Variants in MTUS1 observed in about 807,000 individuals in gnomAD.
MTUS1 encodes microtubule-associated tumor suppressor 1.
MTUS1 carries 109 observed loss-of-function variants against 120.8 expected under a neutral mutation model. That is an observed-to-expected ratio of 0.90 (90% confidence interval 0.77 to 1.06). The LOEUF (loss-of-function observed/expected upper bound fraction) is 1.06. MTUS1 is among the 50% of genes least tolerant of loss of function. The probability of loss-of-function intolerance (pLI) is 0.00; values close to 1 mark genes in which losing one functional copy is unlikely to be tolerated. For missense variants in MTUS1, 2,210 were observed against 1,486.3 expected (o/e 1.49, Z -8.01); for synonymous variants, 737 against 550.5 (o/e 1.34, Z -4.74).
chr8:17,665,670 C>T (rs1810743511), intron 8 of MTUS1, among the ~76,000 whole-genome samples: 1 of 152,158 alleles, frequency 6.6e-6, no homozygotes, highest in African/African-American at 2.4e-5. Flanking sequence ...CCTAGAACTC[C>T]AGCCTCTTTG....
At chr8:17,694,800 A>G (rs768114743) in intron 6 of MTUS1, among the ~76,000 whole-genome samples, 17 of 152,206 alleles carry the variant, frequency 1.1e-4, no homozygotes, top group Non-Finnish European at 2.1e-4. Context: ...GAGACAAATC[A>G]TTTAGATAAG....
At chr8:17,745,389 A>G (rs1586118327) in intron 2 of MTUS1, among the ~76,000 whole-genome samples, 1 of 152,340 alleles carries the variant, frequency 6.6e-6, no homozygotes, top group Admixed American at 6.5e-5. Context: ...TACTTGTTTC[A>G]GGTGGATTCA....
chr8:17,646,024 G>A lies in MTUS1; in HGVS notation c.3715C>T (p.Leu1239=), dbSNP rs945416383. The A allele has an allele frequency of 1.2e-6, 2 of 1,613,706 alleles. No homozygotes were observed. Among genetic ancestry groups the A allele is most frequent in the Non-Finnish European group, 1.7e-6 (2 of 1,179,952 alleles). Residue 1239 remains leucine, a synonymous_variant, in exon 15 of 15, where the codon CTG becomes TTG. Transcript: ENST00000693296. ...GTGGGGGATCTCTTGGGGCTACACA[G>A]GTCCCCATTGTGCAGTTTCCACAGA... ...ELLWKLHNGD[L]CSPKRSPTSS...
rs191683335 is a variant in MTUS1 at position 17,644,183 on chromosome 8, C to T, written c.*1743G>A. ...AGATATCTCATGAAGTGGCAGTGAA[C>T]CTACATTTCCATTTATCAGAAGCAA... On this transcript the variant is annotated 3_prime_UTR_variant, in exon 15 of 15. Coordinates refer to ENST00000693296, the MANE Select transcript of MTUS1 (RefSeq NM_001363059.2). The T allele has an allele frequency of 6.6e-6, 1 of 152,312 alleles. No homozygotes were observed. Among genetic ancestry groups the T allele is most frequent in the East Asian group, 1.9e-4 (1 of 5,182 alleles). 9.4% of individuals were successfully genotyped at this position (152,312 alleles called of 1,614,324 possible).
At chr8:17,741,709 TA>T (rs1367249265) in intron 3 of MTUS1, among the ~76,000 whole-genome samples, 1 of 152,196 alleles carries the variant, frequency 6.6e-6, no homozygotes, top group Non-Finnish European at 1.5e-5. Context: ...CCTCATTTCT[TA>T]AAAGTATGTG....
At chr8:17,747,518 C>T (rs2047860369) in intron 2 of MTUS1, among the ~76,000 whole-genome samples, 1 of 152,136 alleles carries the variant, frequency 6.6e-6, no homozygotes, top group Non-Finnish European at 1.5e-5. Context: ...CCAGCAAAAC[C>T]CCACCTTCAA....
chr8:17,656,008 A>G lies in MTUS1; in HGVS notation c.2963T>C (p.Val988Ala), dbSNP rs763758293. ...GTGCTGCTGGACGAATGCTTCATAC[A>G]CTGTTTGTAACTCATTCCTGGCTTT... ...LEKARNELQT[V>A]YEAFVQQHQA... The change falls in exon 9 of 15, where the codon GTG becomes GCG. Residue 988 changes from valine (V) to alanine (A), a missense_variant. Coordinates refer to ENST00000693296, the MANE Select transcript of MTUS1 (RefSeq NM_001363059.2). The G allele has an allele frequency of 1.2e-6, 2 of 1,614,124 alleles. No homozygotes were observed. Among genetic ancestry groups the G allele is most frequent in the Admixed American group, 1.7e-5 (1 of 60,012 alleles).
intron 1 of MTUS1, among the ~76,000 whole-genome samples, chr8:17,791,275 A>G (rs2051761138): frequency 6.6e-6 from 1 of 152,244 alleles, no homozygotes; most frequent in Non-Finnish European, 1.5e-5. Context: ...TCATATTTAC[A>G]ATGTGCTTGC....
At chr8:17,656,915 C>G (rs372768812) in intron 8 of MTUS1, among the ~76,000 whole-genome samples, 24 of 151,410 alleles carry the variant, frequency 1.6e-4, no homozygotes, top group African/African-American at 5.6e-4. Context: ...AAAAATTAGC[C>G]GGGTGTGGTG....
intron 1 of MTUS1, among the ~76,000 whole-genome samples, chr8:17,787,462 G>C (rs535409083): frequency 6.6e-6 from 1 of 152,278 alleles, no homozygotes; most frequent in Middle Eastern, 3.4e-3. Context: ...GTGTAATCTT[G>C]ATCTATTTCC....
intron 1 of MTUS1, among the ~76,000 whole-genome samples, chr8:17,763,612 G>A (rs1243142748): frequency 6.6e-6 from 1 of 152,078 alleles, no homozygotes; most frequent in Non-Finnish European, 1.5e-5. Flanking sequence ...GCCCACCAGA[G>A]CCAGGACGAC....
At chr8:17,696,944 G>C (rs1016394916) in intron 6 of MTUS1, among the ~76,000 whole-genome samples, 3 of 152,100 alleles carry the variant, frequency 2.0e-5, no homozygotes, top group Non-Finnish European at 4.4e-5. Context: ...CCAAACACTG[G>C]AACTAAAATA....
intron 6 of MTUS1, among the ~76,000 whole-genome samples, chr8:17,685,233 C>G (rs1166936354): frequency 5.9e-5 from 9 of 151,840 alleles, no homozygotes; most frequent in Admixed American, 5.9e-4. Context: ...TTTTAAAGCA[C>G]ATGCTAACAC....
intron 7 of MTUS1, among the ~76,000 whole-genome samples, chr8:17,677,399 A>C (rs968361195): frequency 1.3e-5 from 2 of 152,208 alleles, no homozygotes; most frequent in South Asian, 2.1e-4. Context: ...CTTAAAATTC[A>C]CTTTTCAGTA....
intron 12 of MTUS1, 130 bp from the exon 13 acceptor site, chr8:17,650,092 CAAAG>C: frequency 2.9e-6 from 2 of 694,512 alleles, no homozygotes; most frequent in Non-Finnish European, 5.1e-6. Flanking sequence ...AGAGCAATTT[CAAAG>C]AAAGAGGTGA....
chr8:17,719,799 C>G (rs184119446), intron 4 of MTUS1, among the ~76,000 whole-genome samples: 1 of 152,100 alleles, frequency 6.6e-6, no homozygotes, highest in Non-Finnish European at 1.5e-5. Context: ...AGAAAAAAAA[C>G]AAAAAACAAA....
At chr8:17,790,922 G>C (rs1299589231) in intron 1 of MTUS1, among the ~76,000 whole-genome samples, 1 of 152,196 alleles carries the variant, frequency 6.6e-6, no homozygotes, top group Non-Finnish European at 1.5e-5. Flanking sequence ...GGGAGGTGGA[G>C]GTTGCAGTCA....
At chr8:17,654,471 A>G (rs1487593684) in intron 10 of MTUS1, 90 bp downstream of exon 10, 1 of 955,868 alleles carries the variant, frequency 1.0e-6, no homozygotes, top group East Asian at 2.5e-5. Context: ...CATTCGCTGA[A>G]GCAGGAAGTT....
intron 3 of MTUS1, among the ~76,000 whole-genome samples, chr8:17,742,267 CTGTTTTTTTTTTTTGTTGTTGT>C (rs1429525580): frequency 5.8e-5 from 7 of 120,450 alleles, no homozygotes; most frequent in African/African-American, 1.4e-4. Flanking sequence ...TCATGCCCAG[CTGTTTTTTTTTTTTGTTGTTGT>C]TGTTTTTTTT....
Sources: gnomAD v4.1 joint callset for allele counts (sites outside exome capture counted in the v4.1 genomes callset) on GRCh38, gnomAD v4.1.1 for gene constraint, MANE v1.5 for transcripts, NCBI Gene and HGNC (gene_info 2026-07-23, HGNC 2026-07-21) for gene names.